DTWD2: variants seen among roughly 807,000 people sequenced by gnomAD.
DTWD2 encodes tRNA-uridine aminocarboxypropyltransferase 2.
In DTWD2, 39 loss-of-function variants were observed where a neutral mutation model predicts 31.8. The observed-to-expected ratio is 1.22, with a 90% CI of 0.95 to 1.60. The LOEUF is 1.60. DTWD2 is among the 40% of genes most tolerant of loss of function. DTWD2 has a pLI of 0.00. For missense variants in DTWD2, 515 were observed against 381.5 expected, an observed-to-expected ratio of 1.35 and a Z score of -2.92; for synonymous variants, 180 against 142.8, an observed-to-expected ratio of 1.26 and a Z score of -1.86.
chr5:118,883,291 T>A (rs1184434651), intron 4 of DTWD2, among the ~76,000 whole-genome samples: 1 of 152,182 alleles, frequency 6.6e-6, no homozygotes, highest in Admixed American at 6.5e-5. Context: ...TCTATTTCAT[T>A]ACCAGCATTT....
chr5:118,940,550 T>G (rs903397378), intron 2 of DTWD2, among the ~76,000 whole-genome samples: 19 of 152,224 alleles, frequency 1.2e-4, no homozygotes, highest in African/African-American at 3.4e-4. Context: ...TGTTTTTCTA[T>G]TTCTTGATTT....
chr5:118,845,374 T>C (rs1263506941), intron 5 of DTWD2, among the ~76,000 whole-genome samples: 1 of 152,184 alleles, frequency 6.6e-6, no homozygotes, highest in Non-Finnish European at 1.5e-5. Context: ...AAGATGCTAA[T>C]TTATTATCGC....
intron 1 of DTWD2, among the ~76,000 whole-genome samples, chr5:118,953,686 G>C (rs180786438): frequency 1.2e-4 from 19 of 152,242 alleles, no homozygotes; most frequent in African/African-American, 4.3e-4. Context: ...AAAGTTATTA[G>C]GCTACCTTAT....
At chr5:118,881,589 G>C (rs942418464) in intron 4 of DTWD2, among the ~76,000 whole-genome samples, 2 of 152,196 alleles carry the variant, frequency 1.3e-5, no homozygotes, top group South Asian at 2.1e-4. Flanking sequence ...CCTGAGACTA[G>C]GTAACTTATA....
chr5:118,939,464 A>G (rs1235921188), intron 2 of DTWD2, among the ~76,000 whole-genome samples, 174 bp from the exon 3 acceptor site: 2 of 152,234 alleles, frequency 1.3e-5, no homozygotes, highest in South Asian at 2.1e-4. Context: ...AGTATTAACC[A>G]TAACACAAGC....
At chr5:118,922,860 T>C (rs1239406429) in intron 4 of DTWD2, among the ~76,000 whole-genome samples, 1 of 152,058 alleles carries the variant, frequency 6.6e-6, no homozygotes, top group Non-Finnish European at 1.5e-5. Context: ...CCAACCTCAA[T>C]AAAAGGGCCA....
At chr5:118,934,060 C>A (rs183995004) in intron 3 of DTWD2, among the ~76,000 whole-genome samples, 141 of 149,606 alleles carry the variant, frequency 9.4e-4, no homozygotes, top group Non-Finnish European at 1.6e-3. Context: ...TTAAAATAGC[C>A]CTGCAAAAAT....
chr5:118,866,788 G>A (rs1023861686), intron 4 of DTWD2, among the ~76,000 whole-genome samples: 12 of 151,808 alleles, frequency 7.9e-5, no homozygotes, highest in African/African-American at 1.5e-4. Flanking sequence ...GTGATGGCAC[G>A]TGCCTGTAAT....
chr5:118,965,321 C>T (rs1052054051), intron 1 of DTWD2, among the ~76,000 whole-genome samples: 6 of 150,624 alleles, frequency 4.0e-5, no homozygotes, highest in Non-Finnish European at 7.4e-5. Context: ...GGCGTCTCCG[C>T]TCAGCCGCCA....
At chr5:118,877,742 C>A (rs960882968) in intron 4 of DTWD2, among the ~76,000 whole-genome samples, 23 of 152,124 alleles carry the variant, frequency 1.5e-4, no homozygotes, top group Non-Finnish European at 4.4e-5. Flanking sequence ...GAGAGAAAGT[C>A]AAACAATCCA....
At chr5:118,949,927 G>C (rs772196817) in intron 1 of DTWD2, among the ~76,000 whole-genome samples, 3 of 152,102 alleles carry the variant, frequency 2.0e-5, no homozygotes, top group Non-Finnish European at 2.9e-5. Flanking sequence ...TATTGTCTAA[G>C]CGGCCGGGCG....
intron 1 of DTWD2, among the ~76,000 whole-genome samples, chr5:118,987,064 A>T (rs1477393281): frequency 6.6e-6 from 1 of 152,226 alleles, no homozygotes; most frequent in African/African-American, 2.4e-5. Flanking sequence ...AATTCTGAAC[A>T]GACTAAAAAC....
chr5:118,875,773 T>C (rs1199508672), intron 4 of DTWD2, among the ~76,000 whole-genome samples: 2 of 152,098 alleles, frequency 1.3e-5, no homozygotes, highest in Admixed American at 1.3e-4. Flanking sequence ...GTGGAGACTT[T>C]AACACCCCAC....
At chr5:118,977,833 T>A (rs1755200402) in intron 1 of DTWD2, among the ~76,000 whole-genome samples, 1 of 152,182 alleles carries the variant, frequency 6.6e-6, no homozygotes, top group African/African-American at 2.4e-5. Flanking sequence ...GAAAAACTAT[T>A]TTAAAATTCA....
chr5:118,882,544 C>T (rs981947232), intron 4 of DTWD2, among the ~76,000 whole-genome samples: 2 of 152,250 alleles, frequency 1.3e-5, no homozygotes, highest in Non-Finnish European at 2.9e-5. Flanking sequence ...TCCATGAGGG[C>T]TCTGCACCTG....
intron 5 of DTWD2, among the ~76,000 whole-genome samples, chr5:118,841,753 C>A (rs1255565328): frequency 6.6e-6 from 1 of 151,802 alleles, no homozygotes; most frequent in African/African-American, 2.4e-5. Flanking sequence ...ATACGCTCTA[C>A]CTGAAGTTAT....
At chr5:118,951,133 C>A (rs2149588862) in intron 1 of DTWD2, among the ~76,000 whole-genome samples, 2 of 152,192 alleles carry the variant, frequency 1.3e-5, no homozygotes, top group South Asian at 4.2e-4. Flanking sequence ...GCCTTTAGCT[C>A]CAGACACCTC....
In DTWD2 at chr5:118,840,884, G is replaced by A; in HGVS notation, c.*33C>T. 6.3e-7 allele frequency: 1 copy of A among 1,595,452 alleles called. No homozygotes were observed. The highest frequency in any genetic ancestry group is 8.5e-7 in the Non-Finnish European group (1 of 1,170,940). ...ACTTAATTTGGTATTGTTAGATGAA[G>A]ACAGTTAAGCTAGCACCAAAAGAAT... On this transcript the variant is annotated 3_prime_UTR_variant, in exon 6 of 6. Transcript: ENST00000510708.
intron 4 of DTWD2, among the ~76,000 whole-genome samples, chr5:118,901,762 AT>A (rs1453583162): frequency 2.0e-5 from 3 of 152,144 alleles, no homozygotes; most frequent in Non-Finnish European, 4.4e-5. Flanking sequence ...AAATTGCTTC[AT>A]TGGGAATTAT....
Sources: allele counts gnomAD v4.1 joint callset (sites outside exome capture counted in the v4.1 genomes callset), GRCh38; gene constraint gnomAD v4.1.1; transcripts MANE v1.5; gene names NCBI Gene and HGNC (gene_info 2026-07-23, HGNC 2026-07-21).